RBL1: variants seen among roughly 807,000 people sequenced by gnomAD.
The protein encoded by RBL1 is RB transcriptional corepressor like 1, also known as retinoblastoma-like protein 1.
A neutral mutation model predicts 123.0 loss-of-function variants in RBL1; 82 were observed. The observed-to-expected ratio is 0.67, with a 90% CI of 0.56 to 0.80. RBL1 has a LOEUF of 0.80. Ranked by LOEUF, RBL1 falls within the 30% of genes least tolerant of loss-of-function variation. The probability of loss-of-function intolerance (pLI) is 0.00; values close to 1 mark genes in which losing one functional copy is unlikely to be tolerated. For synonymous variants in RBL1, 405 were observed against 441.3 expected, an observed-to-expected ratio of 0.92 and a Z score of 1.03; for missense variants, 1,171 against 1,299.6, an observed-to-expected ratio of 0.90 and a Z score of 1.52.
chr20:37,023,262 C>G (rs541466368), intron 16 of RBL1, among the ~76,000 whole-genome samples: 1 of 152,088 alleles, frequency 6.6e-6, no homozygotes, highest in African/African-American at 2.4e-5. Context: ...ACTGGGCTTA[C>G]AGGTGCATGC....
intron 19 of RBL1, among the ~76,000 whole-genome samples, chr20:37,014,643 A>G (rs938669717): frequency 6.2e-4 from 94 of 151,970 alleles, no homozygotes; most frequent in African/African-American, 2.3e-3. Flanking sequence ...TACAAAAAAT[A>G]TAAAAATTAG....
At chr20:37,009,315 C>T (rs1319904672) in intron 19 of RBL1, among the ~76,000 whole-genome samples, 1 of 152,112 alleles carries the variant, frequency 6.6e-6, no homozygotes, top group African/African-American at 2.4e-5. Flanking sequence ...TGAGCCACTG[C>T]GCCTGGACCC....
chr20:37,000,336 A>G (rs866078982), intron 21 of RBL1, among the ~76,000 whole-genome samples: 1,775 of 119,170 alleles, frequency 0.015, 2 homozygotes, highest in African/African-American at 0.043. Context: ...TCAGCCCCCC[A>G]CCCGGCCAGC....
At chr20:37,055,928 TAGC>T (rs1321707006) in intron 10 of RBL1, among the ~76,000 whole-genome samples, 1 of 151,730 alleles carries the variant, frequency 6.6e-6, no homozygotes, top group Non-Finnish European at 1.5e-5. Context: ...GTCCCTGTAA[TAGC>T]AGCTACTTGG....
At chr20:37,010,760 ATGTGTGTG>A (rs374094594) in intron 19 of RBL1, among the ~76,000 whole-genome samples, 3 of 143,000 alleles carry the variant, frequency 2.1e-5, no homozygotes, top group Admixed American at 6.8e-5. Flanking sequence ...GCACATGACT[ATGTGTGTG>A]TGTGTGTGTG....
At chr20:37,068,839 C>T (rs1269797987) in intron 2 of RBL1, among the ~76,000 whole-genome samples, 13 of 152,136 alleles carry the variant, frequency 8.5e-5, no homozygotes, top group African/African-American at 3.1e-4. Context: ...GGAGCTCTCC[C>T]TCTCCCTCTC....
chr20:37,089,144 G>T, intron 1 of RBL1, 22 bp from the exon 2 acceptor site: 1 of 1,576,730 alleles, frequency 6.3e-7, no homozygotes, highest in Non-Finnish European at 8.6e-7. Context: ...AAGACAAACA[G>T]CAAAACAGGT....
chr20:37,044,225 T>G lies in RBL1; in HGVS notation c.1631A>C (p.Glu544Ala). The change falls in exon 13 of 22, where the codon GAA (glutamate) becomes GCA (alanine). Residue 544 changes from glutamate (E) to alanine (A), a missense_variant. Glu to Ala is a moderately radical substitution (Grantham distance 107). Coordinates refer to ENST00000373664, the MANE Select transcript of RBL1 (RefSeq NM_002895.5). The stretch of plus-strand genomic sequence containing the variant: ...CACCATGTCCCTTGAGAGCCCCTCT[T>G]CTGAGCGGATCACCACCTCAATAAC... The part of the protein sequence containing the change: ...YKVIEVVIRS[E>A]EGLSRDMVKH... 1 of 1,613,858 alleles carries G rather than the reference T, an allele frequency of 6.2e-7. No individual in the cohort carries two copies. Among genetic ancestry groups the G allele is most frequent in the Non-Finnish European group, 8.5e-7 (1 of 1,179,888 alleles).
intron 13 of RBL1, among the ~76,000 whole-genome samples, chr20:37,041,016 T>G (rs561612319): frequency 6.6e-6 from 1 of 152,286 alleles, no homozygotes; most frequent in East Asian, 1.9e-4. Context: ...TGATGAATAC[T>G]GAAGAGTGGC....
chr20:36,998,664 T>C lies in RBL1; in HGVS notation c.*95A>G. On this transcript the variant is annotated 3_prime_UTR_variant, in exon 22 of 22. Coordinates refer to ENST00000373664, the MANE Select transcript of RBL1 (RefSeq NM_002895.5). ...AATTTTTTCTTATAACCCAGTGATA[T>C]TTATCATCTATAGGGCTAAAAGGTT... 2.6e-6 allele frequency: 3 copies of C among 1,142,686 alleles called. No individual in the cohort carries two copies. The highest frequency in any genetic ancestry group is 3.6e-6 in the Non-Finnish European group (3 of 835,412). The allele number at this position is 1,142,686 out of a possible 1,614,324, so 70.8% of individuals were successfully genotyped here. A position where few individuals can be genotyped will look rare whatever the true frequency, so the allele number is the denominator to read the frequency against.
intron 13 of RBL1, among the ~76,000 whole-genome samples, chr20:37,043,767 C>T (rs2064771465): frequency 6.6e-6 from 1 of 152,058 alleles, no homozygotes. Flanking sequence ...AAAGGGACTA[C>T]ATTTTTATGA....
intron 6 of RBL1, among the ~76,000 whole-genome samples, chr20:37,066,161 C>T (rs1399070700): frequency 2.6e-5 from 4 of 152,142 alleles, no homozygotes; most frequent in Admixed American, 6.5e-5. Context: ...AATGGCTCGA[C>T]GTTGGGGAAA....
At chr20:37,010,757 A>C (rs1013525535) in intron 19 of RBL1, among the ~76,000 whole-genome samples, 4 of 132,056 alleles carry the variant, frequency 3.0e-5, no homozygotes, top group Admixed American at 2.9e-4. Flanking sequence ...ATGGCACATG[A>C]CTATGTGTGT....
intron 1 of RBL1, among the ~76,000 whole-genome samples, chr20:37,090,399 C>T (rs2065629726): frequency 6.6e-6 from 1 of 152,174 alleles, no homozygotes; most frequent in South Asian, 2.1e-4. Context: ...GTCAGCATGA[C>T]TTTCTTGATT....
chr20:37,000,852 G>A (rs2063963180), intron 21 of RBL1, among the ~76,000 whole-genome samples: 1 of 139,988 alleles, frequency 7.1e-6, no homozygotes, highest in African/African-American at 2.7e-5. Context: ...ACTGGGACGT[G>A]AGGAGCCCCT....
Position 37,044,210 on chromosome 20 carries a change from C to T in RBL1, c.1646G>A (p.Arg549Lys), listed in dbSNP as rs1241565033. 1.6e-5 allele frequency: 26 copies of T among 1,613,748 alleles called. No homozygotes were observed. The highest frequency in any genetic ancestry group is 2.1e-5 in the Non-Finnish European group (25 of 1,179,926). ...GCTGTTTAGGTGTTTCACCATGTCC[C>T]TTGAGAGCCCCTCTTCTGAGCGGAT... ...VVIRSEEGLS[R>K]DMVKHLNSIE... The change falls in exon 13 of 22, where the codon AGG (arginine) becomes AAG (lysine). Residue 549 changes from arginine (R) to lysine (K), a missense_variant. Physicochemically the swap from Arg to Lys is conservative, Grantham distance 26. Transcript: ENST00000373664.
rs2065109299 is a variant in RBL1 at position 37,062,287 on chromosome 20, T to C, written c.897-17A>G. On this transcript the variant is annotated splice_polypyrimidine_tract_variant and intron_variant, in intron 7 of 21. Coordinates refer to ENST00000373664, the MANE Select transcript of RBL1 (RefSeq NM_002895.5). ...ACTGCTTTGCTGCAAAGAGAATTAT[T>C]ATAAGCTGTAATACTAAGTTACACA... 3 of 1,611,956 alleles carry C rather than the reference T, an allele frequency of 1.9e-6. No individual in the cohort carries two copies. The East Asian group carries it at 6.7e-5, about 36-fold the overall frequency.
chr20:37,004,926 C>T (rs1045930613), intron 20 of RBL1, among the ~76,000 whole-genome samples: 1 of 151,564 alleles, frequency 6.6e-6, no homozygotes, highest in South Asian at 2.1e-4. Flanking sequence ...GCCTATAGTC[C>T]CTGCCACTCG....
chr20:37,076,569 C>T (rs1468587643), intron 2 of RBL1, among the ~76,000 whole-genome samples: 1 of 152,190 alleles, frequency 6.6e-6, no homozygotes, highest in Admixed American at 6.6e-5. Flanking sequence ...TTTCATTATG[C>T]TACTCAAAAC....
Sources: allele counts gnomAD v4.1 joint callset (sites outside exome capture counted in the v4.1 genomes callset), GRCh38; gene constraint gnomAD v4.1.1; transcripts MANE v1.5; gene names NCBI Gene and HGNC (gene_info 2026-07-23, HGNC 2026-07-21).